The following FGGY variants were observed in gnomAD, a reference collection of about 807,000 sequenced individuals.
FGGY encodes FGGY carbohydrate kinase domain-containing protein.
FGGY carries 72 observed loss-of-function variants against 71.3 expected under a neutral mutation model. The observed-to-expected ratio is 1.01, with a 90% CI of 0.84 to 1.23. The LOEUF is 1.23. FGGY is among the 50% of genes most tolerant of loss of function. The probability of loss-of-function intolerance (pLI) is 0.00; values close to 1 mark genes in which losing one functional copy is unlikely to be tolerated. For missense variants in FGGY, 668 were observed against 682.3 expected (o/e 0.98, Z 0.23); for synonymous variants, 251 against 250.3 (o/e 1.00, Z -0.02).
chr1:59,614,617 C>T (rs2096729856), intron 9 of FGGY, among the ~76,000 whole-genome samples: 1 of 152,178 alleles, frequency 6.6e-6, no homozygotes, highest in Non-Finnish European at 1.5e-5. Context: ...CTCACCACTG[C>T]TATTCAACAT....
chr1:59,409,928 A>G (rs887187530), intron 5 of FGGY, among the ~76,000 whole-genome samples: 3 of 152,310 alleles, frequency 2.0e-5, no homozygotes, highest in Middle Eastern at 3.4e-3. Flanking sequence ...CATTTTAGAC[A>G]GGAAATCCCT....
chr1:59,307,097 T>C (rs1288702325), intron 1 of FGGY, among the ~76,000 whole-genome samples: 5 of 152,176 alleles, frequency 3.3e-5, no homozygotes, highest in African/African-American at 1.2e-4. Context: ...GGAGGATAGC[T>C]TGAGCCCAGG....
chr1:59,758,000 T>C lies in FGGY; in HGVS notation c.1574+8T>C. On this transcript the variant is annotated splice_region_variant and intron_variant, in intron 15 of 15. Coordinates refer to ENST00000303721, the MANE Select transcript of FGGY (RefSeq NM_018291.5). ...GAGACTACAGGATAAAAAGTAAGTG[T>C]GTATTTTTTATATGTACAGTGCTAA... 1 of 1,607,364 alleles carries C rather than the reference T, an allele frequency of 6.2e-7. No homozygotes were observed. Among genetic ancestry groups the C allele is most frequent in the Non-Finnish European group, 8.5e-7 (1 of 1,174,638 alleles).
chr1:59,328,992 A>G (rs1097238), intron 2 of FGGY, among the ~76,000 whole-genome samples: 152,145 of 152,350 alleles, frequency 1, 75,970 homozygotes, highest in Non-Finnish European at 1. Context: ...TTGAAATATT[A>G]TTAAGAATTA....
At chr1:59,543,560 T>C (rs998691445) in intron 7 of FGGY, among the ~76,000 whole-genome samples, 2 of 152,238 alleles carry the variant, frequency 1.3e-5, no homozygotes, top group Non-Finnish European at 2.9e-5. Context: ...AATCTGTCAA[T>C]GTTCAACTAA....
intron 5 of FGGY, among the ~76,000 whole-genome samples, chr1:59,424,795 G>GT (rs1397656524): frequency 1.3e-5 from 2 of 152,140 alleles, no homozygotes; most frequent in African/African-American, 4.8e-5. Flanking sequence ...ATTCAGTGCT[G>GT]TTTAGGGTCA....
intron 14 of FGGY, among the ~76,000 whole-genome samples, chr1:59,683,437 A>G (rs944199656): frequency 1.3e-5 from 2 of 152,178 alleles, no homozygotes; most frequent in African/African-American, 4.8e-5. Flanking sequence ...TATGTTCTGT[A>G]TACATATGCT....
intron 6 of FGGY, among the ~76,000 whole-genome samples, chr1:59,511,202 G>C (rs2094509446): frequency 6.6e-6 from 1 of 152,082 alleles, no homozygotes; most frequent in Non-Finnish European, 1.5e-5. Context: ...ATTTAGAGGA[G>C]GTTGGTTAAG....
chr1:59,758,032 G>T, intron 15 of FGGY, 40 bp downstream of exon 15: 2 of 1,359,202 alleles, frequency 1.5e-6, no homozygotes, highest in South Asian at 2.4e-5. Context: ...CTAAGGAAGT[G>T]AGCACATACA....
intron 4 of FGGY, among the ~76,000 whole-genome samples, chr1:59,371,650 G>A (rs929416910): frequency 1.2e-4 from 18 of 152,090 alleles, no homozygotes; most frequent in African/African-American, 9.6e-5. Context: ...TTGACCACAT[G>A]GTTGGAAGTA....
At chr1:59,482,520 T>C (rs1458173480) in intron 6 of FGGY, among the ~76,000 whole-genome samples, 2 of 151,916 alleles carry the variant, frequency 1.3e-5, no homozygotes, top group Non-Finnish European at 2.9e-5. Flanking sequence ...TTGACTATTA[T>C]TTCCCACAGA....
At chr1:59,473,319 C>G (rs1432267250) in intron 6 of FGGY, among the ~76,000 whole-genome samples, 1 of 152,064 alleles carries the variant, frequency 6.6e-6, no homozygotes, top group African/African-American at 2.4e-5. Flanking sequence ...CAGCTTCACT[C>G]CTGAGCCAGC....
intron 4 of FGGY, among the ~76,000 whole-genome samples, chr1:59,364,618 C>A (rs761825133): frequency 6.6e-5 from 10 of 152,132 alleles, no homozygotes; most frequent in Non-Finnish European, 1.3e-4. Context: ...ATAGCTCTTG[C>A]CTTTGAGGAG....
At chr1:59,300,289 CT>C (rs1476123353) in intron 1 of FGGY, among the ~76,000 whole-genome samples, 2 of 152,172 alleles carry the variant, frequency 1.3e-5, no homozygotes, top group Admixed American at 1.3e-4. Context: ...TGTATACCCC[CT>C]AAGGTAAAGT....
chr1:59,507,296 G>T (rs1327196941), intron 6 of FGGY, among the ~76,000 whole-genome samples: 1 of 152,212 alleles, frequency 6.6e-6, no homozygotes, highest in Non-Finnish European at 1.5e-5. Flanking sequence ...ACAAGAGTAG[G>T]TTACAGTGTG....
intron 5 of FGGY, among the ~76,000 whole-genome samples, chr1:59,450,745 G>C (rs2072510320): frequency 2.6e-5 from 4 of 151,942 alleles, no homozygotes; most frequent in Admixed American, 2.6e-4. Context: ...AAAATATTAT[G>C]AATGGTAGTT....
At chr1:59,599,915 A>G (rs987797809) in intron 8 of FGGY, among the ~76,000 whole-genome samples, 24 of 152,130 alleles carry the variant, frequency 1.6e-4, no homozygotes, top group African/African-American at 5.6e-4. Flanking sequence ...AGGGGATTTC[A>G]GGAGACAAAA....
intron 4 of FGGY, among the ~76,000 whole-genome samples, chr1:59,372,153 G>C (rs2057769391): frequency 6.6e-6 from 1 of 151,996 alleles, no homozygotes; most frequent in Non-Finnish European, 1.5e-5. Context: ...CAACAAAATT[G>C]ATAGACCGTT....
chr1:59,706,372 G>A (rs2097757746), intron 14 of FGGY, among the ~76,000 whole-genome samples: 1 of 152,158 alleles, frequency 6.6e-6, no homozygotes, highest in Admixed American at 6.5e-5. Context: ...TGTAAGATGA[G>A]AGTGCTAATG....
Sources: allele counts gnomAD v4.1 joint callset (sites outside exome capture counted in the v4.1 genomes callset), GRCh38; gene constraint gnomAD v4.1.1; transcripts MANE v1.5; gene names NCBI Gene and HGNC (gene_info 2026-07-23, HGNC 2026-07-21).